TPO: variants seen among roughly 807,000 people sequenced by gnomAD.
TPO encodes thyroid peroxidase.
A neutral mutation model predicts 96.9 loss-of-function variants in TPO; 78 were observed. The ratio of observed to expected loss-of-function variants is 0.81; its 90% CI spans 0.67 to 0.97. The LOEUF is 0.97. TPO is among the 50% of genes least tolerant of loss of function. TPO has a pLI of 0.00. For missense variants in TPO, 1,252 were observed against 1,274.8 expected, an observed-to-expected ratio of 0.98 and a Z score of 0.27; for synonymous variants, 547 against 538.0, an observed-to-expected ratio of 1.02 and a Z score of -0.23.
intron 13 of TPO, among the ~76,000 whole-genome samples, chr2:1,499,515 C>T (rs1021562999): frequency 2.0e-5 from 3 of 152,196 alleles, no homozygotes; most frequent in Non-Finnish European, 4.4e-5. Context: ...GCAGCCAGTG[C>T]TCCTGGTGGG....
chr2:1,407,900 A>T (rs1662270727), intron 1 of TPO, among the ~76,000 whole-genome samples: 1 of 152,260 alleles, frequency 6.6e-6, no homozygotes, highest in Non-Finnish European at 1.5e-5. Context: ...AATGCAAAGA[A>T]TTCAGATCTG....
chr2:1,463,452 C>T (rs1668627111), intron 7 of TPO, among the ~76,000 whole-genome samples: 1 of 152,184 alleles, frequency 6.6e-6, no homozygotes, highest in Non-Finnish European at 1.5e-5. Flanking sequence ...GGTGGAAGTT[C>T]TTAGTGAGCT....
In TPO at chr2:1,493,218, G is replaced by GGGC. The variant is rs1553321318; in HGVS notation, c.1769-582_1769-581insCGG. Among the ~76,000 whole-genome samples, 6 of 106,476 alleles carry GGGC rather than the reference G, an allele frequency of 5.6e-5. No individual in the cohort carries two copies. In the South Asian group the frequency reaches 1.2e-3, roughly 21 times the overall value. The allele number at this position is 106,476 out of a possible 152,430, so 69.9% of individuals were successfully genotyped here. On this transcript the variant is annotated intron_variant, in intron 10 of 16. Transcript: ENST00000329066. ...TGTGTGTGTGAGTGGGTGGGGGGGG[G>GGGC]GGTGCTGGCTTCTGTGTGTGCTCCT...
rs746479527 is a variant in TPO, at chr2:1,496,720, A to G, written c.2341A>G (p.Thr781Ala). The change falls in exon 13 of 17, where the codon ACT becomes GCT. Residue 781 changes from threonine (T) to alanine (A), a missense_variant. Physicochemically the swap from Thr to Ala is moderately conservative, Grantham distance 58 (BLOSUM62 0). Transcript: ENST00000329066. ...TGAGCTCCAAGGCCGGGAGCAGCTC[A>G]CTTGCACCCAGGAAGGATGGGATTT... ...GYELQGREQL[T>A]CTQEGWDFQP... 5.6e-6 allele frequency: 9 copies of G among 1,613,952 alleles called. No individual in the cohort carries two copies. The highest frequency in any genetic ancestry group is 7.6e-6 in the Non-Finnish European group (9 of 1,179,996).
At chr2:1,467,024 T>C (rs1002701219) in intron 7 of TPO, among the ~76,000 whole-genome samples, 4 of 152,184 alleles carry the variant, frequency 2.6e-5, no homozygotes, top group African/African-American at 9.6e-5. Context: ...CATTTAGGGC[T>C]ATGAACTTTC....
intron 1 of TPO, among the ~76,000 whole-genome samples, chr2:1,391,839 T>C (rs1430053893): frequency 6.6e-6 from 1 of 152,224 alleles, no homozygotes; most frequent in African/African-American, 2.4e-5. Context: ...TGTACAGGAA[T>C]GCTTGTGATT....
intron 5 of TPO, among the ~76,000 whole-genome samples, chr2:1,450,124 G>C (rs763669876): frequency 2.0e-5 from 3 of 152,160 alleles, no homozygotes; most frequent in Non-Finnish European, 4.4e-5. Flanking sequence ...AGCTGACTTC[G>C]TCCACAGTTT....
chr2:1,509,995 CTT>C (rs1382473176), intron 14 of TPO, among the ~76,000 whole-genome samples: 20 of 152,200 alleles, frequency 1.3e-4, no homozygotes, highest in South Asian at 2.1e-4. Context: ...ACCACACCCT[CTT>C]GTTTCAGGTG....
At chr2:1,472,769 G>A (rs747582471) in intron 7 of TPO, among the ~76,000 whole-genome samples, 2 of 123,894 alleles carry the variant, frequency 1.6e-5, no homozygotes, top group South Asian at 2.7e-4. Flanking sequence ...ACTCACATTC[G>A]CCATCCACAC....
chr2:1,400,076 C>T (rs964327497), intron 1 of TPO, among the ~76,000 whole-genome samples: 1 of 152,122 alleles, frequency 6.6e-6, no homozygotes, highest in African/African-American at 2.4e-5. Flanking sequence ...CTGTCCCTGT[C>T]TATTTTCTGC....
At chr2:1,404,295 C>T (rs902601436) in intron 1 of TPO, among the ~76,000 whole-genome samples, 14 of 152,054 alleles carry the variant, frequency 9.2e-5, no homozygotes, top group Admixed American at 7.2e-4. Flanking sequence ...ATGCAGTAGC[C>T]CATTCTACAT....
At position 1,500,131 on chromosome 2, in the gene TPO, G is replaced by GT. The variant is rs534408763; in HGVS notation, c.2386+3374dup. ...ATGTGTACATTGGGAATCTGTTCGG[G>GT]TTTTTTTTAAAGCAGTGGGCCACAG... is the stretch of plus-strand genomic sequence containing the variant. On this transcript the variant is annotated intron_variant, in intron 13 of 16. Transcript: ENST00000329066. 9.2e-5 allele frequency among the ~76,000 whole-genome samples: 14 copies of GT among 152,126 alleles called. No individual in the cohort carries two copies. The East Asian group carries it at 1.4e-3, about 15-fold the overall frequency.
intron 1 of TPO, among the ~76,000 whole-genome samples, chr2:1,399,276 G>A (rs746184776): frequency 3.2e-4 from 48 of 152,152 alleles, no homozygotes; most frequent in East Asian, 1.4e-3. Flanking sequence ...CATTTTCTGC[G>A]CGGAGCTTCT....
intron 1 of TPO, among the ~76,000 whole-genome samples, chr2:1,397,476 C>T (rs554978409): frequency 1.6e-4 from 24 of 152,292 alleles, no homozygotes; most frequent in African/African-American, 4.3e-4. Flanking sequence ...TTGGCAGAGC[C>T]GTGCTCCAGT....
At chr2:1,469,891 C>G (rs1280953535) in intron 7 of TPO, among the ~76,000 whole-genome samples, 1 of 152,152 alleles carries the variant, frequency 6.6e-6, no homozygotes, top group East Asian at 1.9e-4. Context: ...TAATGTATTC[C>G]TGCCGTCGTT....
chr2:1,532,955 TCCC>T (rs1436368118), intron 15 of TPO, among the ~76,000 whole-genome samples: 1 of 95,258 alleles, frequency 1.0e-5, no homozygotes, highest in South Asian at 4.0e-4. Flanking sequence ...CCTCCTCAAA[TCCC>T]CCCACTGTGT....
intron 8 of TPO, among the ~76,000 whole-genome samples, chr2:1,479,936 C>T (rs887927373): frequency 1.3e-5 from 2 of 152,098 alleles, no homozygotes; most frequent in African/African-American, 4.8e-5. Flanking sequence ...CATGTGCCAC[C>T]ACTCCCAGCT....
At chr2:1,410,319 A>T (rs553699189), upstream of TPO, among the ~76,000 whole-genome samples, 2 of 152,216 alleles carry the variant, frequency 1.3e-5, no homozygotes, top group Non-Finnish European at 2.9e-5. Flanking sequence ...AATGGCAAGT[A>T]AAAAAGGCAA....
intron 11 of TPO, among the ~76,000 whole-genome samples, chr2:1,495,633 C>T (rs986477427): frequency 1.3e-5 from 2 of 152,232 alleles, no homozygotes; most frequent in Non-Finnish European, 1.5e-5. Context: ...CTTCTGAGGC[C>T]GCTCGTTCAG....
Sources: allele counts gnomAD v4.1 joint callset (sites outside exome capture counted in the v4.1 genomes callset), GRCh38; gene constraint gnomAD v4.1.1; transcripts MANE v1.5; gene names NCBI Gene and HGNC (gene_info 2026-07-23, HGNC 2026-07-21).